The following TRIM51G variants were observed in gnomAD, a reference collection of about 807,000 sequenced individuals.
TRIM51G encodes the protein tripartite motif-containing protein 51G.
At chr11:48,981,417 A>G in the TRIM51G span, 1 of 1,607,884 alleles carries the variant, frequency 6.2e-7, no homozygotes, top group Non-Finnish European at 8.5e-7. Context: ...TGTGCGTCCC[A>G]CATATTTGCT....
At chr11:48,975,630 T>A in the TRIM51G span, 4 of 1,409,442 alleles carry the variant, frequency 2.8e-6, no homozygotes, top group Non-Finnish European at 4.0e-6. Context: ...GGAATAATCC[T>A]ACTGTGTCTG....
At chr11:48,981,626 C>G in the TRIM51G span, 2 of 1,599,840 alleles carry the variant, frequency 1.3e-6, no homozygotes, top group East Asian at 2.2e-5. Flanking sequence ...GTGACTGGGT[C>G]TATGAAGTAG....
At chr11:48,979,811 A>G in the TRIM51G span, among the ~76,000 whole-genome samples, 1 of 149,648 alleles carries the variant, frequency 6.7e-6, no homozygotes, top group African/African-American at 2.4e-5. Context: ...CCATATATAT[A>G]TATAATATAT....
the TRIM51G span, chr11:48,981,675 T>C: frequency 6.3e-7 from 1 of 1,599,638 alleles, no homozygotes; most frequent in South Asian, 1.1e-5. Flanking sequence ...TCTGGAAGAC[T>C]TGCAAGATTC....
the TRIM51G span, among the ~76,000 whole-genome samples, chr11:48,976,163 AT>A: frequency 6.6e-6 from 1 of 152,256 alleles, no homozygotes; most frequent in South Asian, 2.1e-4. Context: ...GATGATTAAT[AT>A]TCTCTATAGG....
At chr11:48,982,159 G>A in the TRIM51G span, among the ~76,000 whole-genome samples, 4 of 151,946 alleles carry the variant, frequency 2.6e-5, no homozygotes, top group African/African-American at 2.4e-5. Context: ...CCCAGAAGCC[G>A]GCTCTTTAAA....
chr11:48,976,527 G>A, the TRIM51G span, among the ~76,000 whole-genome samples: 1 of 152,132 alleles, frequency 6.6e-6, no homozygotes, highest in East Asian at 1.9e-4. Context: ...GACTGAAACT[G>A]AACTTTAAAT....
chr11:48,981,509 T>C, the TRIM51G span: 1 of 1,605,574 alleles, frequency 6.2e-7, no homozygotes, highest in Non-Finnish European at 8.5e-7. Context: ...GTTTTGAGGT[T>C]TCTCTGCCGT....
chr11:48,978,236 C>G, the TRIM51G span: 4 of 516,160 alleles, frequency 7.7e-6, no homozygotes, highest in African/African-American at 5.9e-5. Context: ...GATATGGAGA[C>G]AGTTTCTGAA....
chr11:48,980,944 T>C, the TRIM51G span: 1 of 501,978 alleles, frequency 2.0e-6, no homozygotes, highest in Non-Finnish European at 4.1e-6. Flanking sequence ...ATATTCAGGT[T>C]TCTGTGATTT....
At chr11:48,975,753 A>G in the TRIM51G span, 13 of 1,567,758 alleles carry the variant, frequency 8.3e-6, no homozygotes, top group African/African-American at 1.4e-5. Flanking sequence ...CTATCATGTC[A>G]TTCTGTCTCT....
At chr11:48,977,804 A>T in the TRIM51G span, among the ~76,000 whole-genome samples, 2 of 152,222 alleles carry the variant, frequency 1.3e-5, no homozygotes, top group African/African-American at 2.4e-5. Flanking sequence ...TCTCTTGCAA[A>T]TATGAAGGCT....
At chr11:48,982,201 C>A in the TRIM51G span, among the ~76,000 whole-genome samples, 2 of 152,034 alleles carry the variant, frequency 1.3e-5, no homozygotes, top group African/African-American at 2.4e-5. Flanking sequence ...ACCAACCGAC[C>A]AGATAAACAA....
At chr11:48,977,382 G>A in the TRIM51G span, among the ~76,000 whole-genome samples, 2 of 152,076 alleles carry the variant, frequency 1.3e-5, no homozygotes, top group African/African-American at 4.8e-5. Flanking sequence ...ATCTGACTGA[G>A]AATTTATTCG....
the TRIM51G span, among the ~76,000 whole-genome samples, chr11:48,978,468 T>C: frequency 6.6e-6 from 1 of 152,164 alleles, no homozygotes; most frequent in Non-Finnish European, 1.5e-5. Context: ...GTTACCAAAA[T>C]GAGTGGACCC....
At chr11:48,983,800 C>T in the TRIM51G span, among the ~76,000 whole-genome samples, 1 of 152,054 alleles carries the variant, frequency 6.6e-6, no homozygotes, top group Non-Finnish European at 1.5e-5. Flanking sequence ...TTTAAGTATT[C>T]CCCAAGATCA....
chr11:48,981,217 G>C, the TRIM51G span: 79 of 1,586,208 alleles, frequency 5.0e-5, no homozygotes, highest in African/African-American at 4.7e-4. Flanking sequence ...ATCCAATCTC[G>C]AAGGAAATAG....
the TRIM51G span, chr11:48,978,902 C>T: frequency 7.1e-6 from 11 of 1,558,102 alleles, no homozygotes; most frequent in Non-Finnish European, 9.7e-6. Context: ...CTTTATGGCA[C>T]ATTTGCCTCA....
chr11:48,977,193 A>T, the TRIM51G span: 44 of 1,179,036 alleles, frequency 3.7e-5, no homozygotes, highest in Non-Finnish European at 4.4e-5. Context: ...CTGCAAGGAG[A>T]AAGATAGAGT....
Sources: allele counts gnomAD v4.1 joint callset (sites outside exome capture counted in the v4.1 genomes callset), GRCh38; gene constraint gnomAD v4.1.1; transcripts MANE v1.5; gene names NCBI Gene and HGNC (gene_info 2026-07-23, HGNC 2026-07-21).